KCNQ1: variants seen among roughly 807,000 people sequenced by gnomAD.
KCNQ1 encodes the protein potassium voltage-gated channel subfamily KQT member 1.
In KCNQ1, 49 loss-of-function variants were observed where a neutral mutation model predicts 72.4. The observed-to-expected ratio is 0.68, with a 90% CI of 0.54 to 0.86. The LOEUF is 0.86. KCNQ1 is among the 40% of genes least tolerant of loss of function. The pLI is 0.00. For synonymous variants in KCNQ1, 450 were observed against 412.6 expected, an observed-to-expected ratio of 1.09 and a Z score of -1.10; for missense variants, 790 against 945.1, an observed-to-expected ratio of 0.84 and a Z score of 2.15.
At chr11:2,499,228 G>A (rs1465270357) in intron 1 of KCNQ1, among the ~76,000 whole-genome samples, 1 of 152,110 alleles carries the variant, frequency 6.6e-6, no homozygotes, top group Admixed American at 6.6e-5. Flanking sequence ...TGCAATTAGT[G>A]TTAAGTCATC....
chr11:2,479,071 G>A lies in KCNQ1; in HGVS notation c.386+33587G>A, dbSNP rs926515458. Among the ~76,000 whole-genome samples the A allele has an allele frequency of 2.6e-5, 4 of 152,234 alleles. No homozygotes were observed. The highest frequency in any genetic ancestry group is 4.4e-5 in the Non-Finnish European group (3 of 68,042). Reference sequence around the variant, plus strand: ...CATCTAGGTCATGCTGATGCAAGAGGTGGGTTCCCATAGTCTTGAGCAGCT... The same window carrying A: ...CATCTAGGTCATGCTGATGCAAGAGATGGGTTCCCATAGTCTTGAGCAGCT... On this transcript the variant is annotated intron_variant, in intron 1 of 15. Transcript: ENST00000155840. The surrounding 1 kb of genome is among the most constrained non-coding windows in gnomAD (Gnocchi z 4.6).
At chr11:2,665,500 G>A (rs1352257747) in intron 11 of KCNQ1, 3 of 394,940 alleles carry the variant, frequency 7.6e-6, no homozygotes, top group Admixed American at 4.5e-5. Context: ...GCATCCCTGT[G>A]CCTTGCGTGT....
intron 15 of KCNQ1, among the ~76,000 whole-genome samples, chr11:2,791,795 G>A (rs911535550): frequency 7.9e-5 from 12 of 152,090 alleles, no homozygotes; most frequent in African/African-American, 2.9e-4. Flanking sequence ...TCGCCGCGCC[G>A]CTCCGGGCGG....
In KCNQ1 at chr11:2,669,238, G is replaced by C. The variant is rs1264146100; in HGVS notation, c.1514+7157G>C. ...TTGACAGCTGGTCCTGCTGGCTCTGGCTGCTTCTCCTTCCCCATCACTGGC... is the reference window on the plus strand; with the variant it reads ...TTGACAGCTGGTCCTGCTGGCTCTGCCTGCTTCTCCTTCCCCATCACTGGC... On this transcript the variant is annotated intron_variant, in intron 11 of 15. Transcript: ENST00000155840. This position sits in a 1 kb window ranked among gnomAD's most constrained non-coding sequence, Gnocchi z 5.6. The C allele has an allele frequency of 2.5e-6, 1 of 398,572 alleles. No homozygotes were observed. Among genetic ancestry groups the C allele is most frequent in the African/African-American group, 2.1e-5 (1 of 48,622 alleles). The allele number at this position is 398,572 out of a possible 1,614,324, so 24.7% of individuals were successfully genotyped here.
At chr11:2,842,754 G>A (rs907338885) in intron 15 of KCNQ1, among the ~76,000 whole-genome samples, 14 of 152,198 alleles carry the variant, frequency 9.2e-5, no homozygotes, top group Admixed American at 4.6e-4. Flanking sequence ...GCAACTGTAC[G>A]TGCACTCTAG....
At position 2,725,398 on chromosome 11, in the gene KCNQ1, GGA is replaced by G. The variant is rs889386105; in HGVS notation, c.1515-43442_1515-43441del. On this transcript the variant is annotated intron_variant, in intron 11 of 15. Transcript: ENST00000155840. This position sits in a 1 kb window ranked among gnomAD's most constrained non-coding sequence, Gnocchi z 7.2. ...TTTCGGGTTCCTGCCTTCCAAAACA[GGA>G]GAGGCAACTTGGCCTGCTTTTTCCT... 1.3e-5 allele frequency among the ~76,000 whole-genome samples: 2 copies of G among 152,216 alleles called. No homozygotes were observed. Among genetic ancestry groups the G allele is most frequent in the Non-Finnish European group, 2.9e-5 (2 of 68,036 alleles).
chr11:2,842,175 C>A (rs1848228413), intron 15 of KCNQ1, among the ~76,000 whole-genome samples: 5 of 152,140 alleles, frequency 3.3e-5, no homozygotes, highest in African/African-American at 1.2e-4. Flanking sequence ...CCAATTCAGC[C>A]CCACCACAGG....
intron 1 of KCNQ1, among the ~76,000 whole-genome samples, chr11:2,524,686 C>T (rs1035228548): frequency 1.3e-5 from 2 of 152,192 alleles, no homozygotes; most frequent in African/African-American, 4.8e-5. Flanking sequence ...CCGGCTTATC[C>T]AAGGCCTCAG....
At chr11:2,533,122 A>C (rs544093173) in intron 2 of KCNQ1, among the ~76,000 whole-genome samples, 9 of 152,226 alleles carry the variant, frequency 5.9e-5, no homozygotes, top group Admixed American at 3.3e-4. Flanking sequence ...GTTGGGGGAA[A>C]AAATGGATCA....
In KCNQ1 at chr11:2,588,580, A is replaced by G. The variant is rs931759799; in HGVS notation, c.1252-133A>G. On this transcript the variant is annotated intron_variant, in intron 9 of 15. Transcript: ENST00000155840. This position sits in a 1 kb window ranked among gnomAD's most constrained non-coding sequence, Gnocchi z 5.6. ...GTGTGAAGACACTGGAGCTGGCCCC[A>G]GGCCTCAGGTCCCTGTCCGGGTGTA... The G allele has an allele frequency of 1.8e-5, 20 of 1,093,826 alleles. No individual in the cohort carries two copies. The highest frequency in any genetic ancestry group is 2.0e-5 in the Non-Finnish European group (15 of 738,062). The allele number at this position is 1,093,826 out of a possible 1,614,324, so 67.8% of individuals were successfully genotyped here. A position where few individuals can be genotyped will look rare whatever the true frequency, so the allele number is the denominator to read the frequency against.
chr11:2,544,282 GTATA>G lies in KCNQ1; in HGVS notation c.477+16272_477+16275del, dbSNP rs3032767. On this transcript the variant is annotated intron_variant, in intron 2 of 15. Transcript: ENST00000155840. This position sits in a 1 kb window ranked among gnomAD's most constrained non-coding sequence, Gnocchi z 4.4. ...TATGTGTGTGTGTGTATATATATGT[GTATA>G]TATATATGTATATATGTGTATATAT... is the stretch of plus-strand genomic sequence containing the variant. 2.1e-5 allele frequency among the ~76,000 whole-genome samples: 3 copies of G among 141,298 alleles called. No homozygotes were observed. The highest frequency in any genetic ancestry group is 8.3e-5 in the African/African-American group (3 of 36,142). 92.7% of individuals were successfully genotyped at this position (141,298 alleles called of 152,430 possible).
intron 2 of KCNQ1, among the ~76,000 whole-genome samples, chr11:2,540,130 G>A (rs1847800787): frequency 6.6e-6 from 1 of 152,120 alleles, no homozygotes; most frequent in African/African-American, 2.4e-5. Flanking sequence ...ACTGCACAGT[G>A]GGGTCCACCC....
intron 10 of KCNQ1, among the ~76,000 whole-genome samples, chr11:2,607,572 C>T (rs963416676): frequency 6.6e-6 from 1 of 152,102 alleles, no homozygotes; most frequent in Non-Finnish European, 1.5e-5. Flanking sequence ...AACCAGAAAG[C>T]GAGTCCTCTC....
rs569102275 is a variant in KCNQ1 at position 2,759,396 on chromosome 11, T to C, written c.1515-9448T>C. Reference sequence around the variant, plus strand: ...ACCCCCACCCATCTGCCTCTCTTCATCTCACAAGCCTGCATGTGTGCAGAG... The same window carrying C: ...ACCCCCACCCATCTGCCTCTCTTCACCTCACAAGCCTGCATGTGTGCAGAG... On this transcript the variant is annotated intron_variant, in intron 11 of 15. Coordinates refer to ENST00000155840, the MANE Select transcript of KCNQ1 (RefSeq NM_000218.3). This position sits in a 1 kb window ranked among gnomAD's most constrained non-coding sequence, Gnocchi z 4.4. 6.6e-5 allele frequency among the ~76,000 whole-genome samples: 10 copies of C among 152,264 alleles called. No individual in the cohort carries two copies. In the East Asian group the frequency reaches 1.9e-3, roughly 30 times the overall value.
At chr11:2,825,486 C>G (rs1436999071) in intron 15 of KCNQ1, among the ~76,000 whole-genome samples, 1 of 152,192 alleles carries the variant, frequency 6.6e-6, no homozygotes, top group African/African-American at 2.4e-5. Context: ...TCCCTCCAGT[C>G]GTCCAGCCCT....
intron 10 of KCNQ1, chr11:2,614,255 A>G (rs1849025231): frequency 2.5e-6 from 1 of 398,500 alleles, no homozygotes. Flanking sequence ...TGGACTACCT[A>G]TTTCTGACAT....
In KCNQ1 at chr11:2,623,726, A is replaced by G. The variant is rs941382681; in HGVS notation, c.1393+34872A>G. 5.0e-6 allele frequency: 2 copies of G among 398,592 alleles called. No individual in the cohort carries two copies. Among genetic ancestry groups the G allele is most frequent in the Admixed American group, 4.4e-5 (1 of 22,734 alleles). The allele number at this position is 398,592 out of a possible 1,614,324, so 24.7% of individuals were successfully genotyped here. A position where few individuals can be genotyped will look rare whatever the true frequency, so the allele number is the denominator to read the frequency against. ...CAACAATCACAAATAAAGCTTCTGT[A>G]AACATCTCTGTGCAGATTTTTATGT... On this transcript the variant is annotated intron_variant, in intron 10 of 15. Transcript: ENST00000155840. The surrounding 1 kb of genome is among the most constrained non-coding windows in gnomAD (Gnocchi z 5.2).
Position 2,724,229 on chromosome 11 carries a change from C to G in KCNQ1, c.1515-44615C>G, listed in dbSNP as rs185294824. On this transcript the variant is annotated intron_variant, in intron 11 of 15. Transcript: ENST00000155840. This position sits in a 1 kb window ranked among gnomAD's most constrained non-coding sequence, Gnocchi z 6.8. The stretch of plus-strand genomic sequence containing the variant: ...CTCAGATGATATACAGTCCTCCTCC[C>G]GGCTCAGGACCCCTTTGCGGTGTCA... Among the ~76,000 whole-genome samples, 1 of 152,226 alleles carries G rather than the reference C, an allele frequency of 6.6e-6. No homozygotes were observed. The highest frequency in any genetic ancestry group is 1.5e-5 in the Non-Finnish European group (1 of 68,040).
At position 2,809,113 on chromosome 11, in the gene KCNQ1, T is replaced by A. The variant is rs1462037522; in HGVS notation, c.1794+31076T>A. On this transcript the variant is annotated intron_variant, in intron 15 of 15. Transcript: ENST00000155840. This position sits in a 1 kb window ranked among gnomAD's most constrained non-coding sequence, Gnocchi z 7.1. Reference sequence around the variant, plus strand: ...ATGTGTGAGTGAGTAGATGAATGAGTGGGCAGACAGACAGACACACCATCA... The same window carrying A: ...ATGTGTGAGTGAGTAGATGAATGAGAGGGCAGACAGACAGACACACCATCA... Among the ~76,000 whole-genome samples the A allele has an allele frequency of 1.3e-5, 2 of 151,918 alleles. No individual in the cohort carries two copies. The highest frequency in any genetic ancestry group is 2.9e-5 in the Non-Finnish European group (2 of 67,982).
Sources: allele counts gnomAD v4.1 joint callset (sites outside exome capture counted in the v4.1 genomes callset), GRCh38; gene constraint gnomAD v4.1.1; non-coding constraint Gnocchi (gnomAD v3.1); transcripts MANE v1.5; gene names NCBI Gene and HGNC (gene_info 2026-07-23, HGNC 2026-07-21).